FAF1: variants seen among roughly 807,000 people sequenced by gnomAD.
FAF1 encodes the protein Fas associated factor 1, also known as FAS-associated factor 1.
Under a neutral mutation model 92.5 loss-of-function variants are expected in FAF1, and 25 were observed. That is an observed-to-expected ratio of 0.27 (90% CI 0.20 to 0.38). The LOEUF is 0.38. Ranked by LOEUF, FAF1 falls within the 10% of genes least tolerant of loss-of-function variation. FAF1 has a pLI of 1.00. For synonymous variants in FAF1, 234 were observed against 273.2 expected, an observed-to-expected ratio of 0.86 and a Z score of 1.42; for missense variants, 636 against 793.3, an observed-to-expected ratio of 0.80 and a Z score of 2.38.
chr1:50,804,705 AGTAAGTTTTTGTTTGCT>A (rs1408034576), intron 2 of FAF1, among the ~76,000 whole-genome samples: 1 of 152,220 alleles, frequency 6.6e-6, no homozygotes, highest in African/African-American at 2.4e-5. Context: ...GAACAGCTGC[AGTAAGTTTTTGTTTGCT>A]TTTTTTCCCT....
intron 7 of FAF1, among the ~76,000 whole-genome samples, chr1:50,675,237 A>G (rs1431807638): frequency 6.6e-6 from 1 of 152,230 alleles, no homozygotes; most frequent in Non-Finnish European, 1.5e-5. Flanking sequence ...CTCTGTGTGC[A>G]TATATTAATG....
At chr1:50,650,102 T>C (rs1314162165) in intron 8 of FAF1, among the ~76,000 whole-genome samples, 2 of 147,198 alleles carry the variant, frequency 1.4e-5, no homozygotes, top group Admixed American at 6.8e-5. Context: ...CTGACTAACA[T>C]GGAGAAACCC....
chr1:50,612,216 T>C (rs1196253444), intron 8 of FAF1: 3 of 229,588 alleles, frequency 1.3e-5, no homozygotes, highest in East Asian at 1.6e-4. Flanking sequence ...ACATGATATA[T>C]TGATTATAAC....
intron 4 of FAF1, among the ~76,000 whole-genome samples, chr1:50,786,231 T>TA (rs569004289): frequency 3.9e-4 from 59 of 152,030 alleles, no homozygotes; most frequent in African/African-American, 1.3e-3. Flanking sequence ...TGTTAATGAC[T>TA]AAAAAAAATG....
intron 4 of FAF1, among the ~76,000 whole-genome samples, chr1:50,765,557 T>C (rs1203026350): frequency 1.3e-5 from 2 of 152,232 alleles, no homozygotes; most frequent in African/African-American, 4.8e-5. Context: ...TTGGATACTG[T>C]AGCTCTACTA....
chr1:50,667,916 C>T (rs1311678532), intron 7 of FAF1, among the ~76,000 whole-genome samples: 2 of 152,190 alleles, frequency 1.3e-5, no homozygotes, highest in Admixed American at 1.3e-4. Flanking sequence ...GGTAGCACCA[C>T]GCTGATGCTC....
chr1:50,606,960 GA>G (rs968339751), intron 8 of FAF1: 4 of 152,100 alleles, frequency 2.6e-5, no homozygotes. Context: ...AAAATTGAGA[GA>G]AAGAACAACA....
At chr1:50,781,972 C>A (rs556747244) in intron 4 of FAF1, among the ~76,000 whole-genome samples, 6 of 152,180 alleles carry the variant, frequency 3.9e-5, no homozygotes, top group Admixed American at 3.9e-4. Context: ...GACATCTTAG[C>A]CACTGTAACA....
At chr1:50,503,494 G>T (rs1190312952) in intron 15 of FAF1, among the ~76,000 whole-genome samples, 1 of 151,852 alleles carries the variant, frequency 6.6e-6, no homozygotes, top group Non-Finnish European at 1.5e-5. Context: ...AGTAGTGTGT[G>T]TCTGTAGTCC....
At position 50,883,624 on chromosome 1, in the gene FAF1, C is replaced by CCTTCCACAAAGAGTTAGGAGACCT. The variant is rs552075766; in HGVS notation, c.46-25651_46-25628dup. Among the ~76,000 whole-genome samples, 24 of 152,266 alleles carry CCTTCCACAAAGAGTTAGGAGACCT rather than the reference C, an allele frequency of 1.6e-4. No individual in the cohort carries two copies. The South Asian group carries it at 4.4e-3, about 28-fold the overall frequency. ...ACAAGTTAATGTTATTCCCTCCCCT[C>CCTTCCACAAAGAGTTAGGAGACCT]CTTCCACAAAGAGTTAGGAGACCTC... On this transcript the variant is annotated intron_variant, in intron 1 of 18. Coordinates refer to ENST00000396153, the MANE Select transcript of FAF1 (RefSeq NM_007051.3).
chr1:50,550,351 TAAAAA>T (rs11297579), intron 13 of FAF1, among the ~76,000 whole-genome samples: 4 of 108,362 alleles, frequency 3.7e-5, no homozygotes, highest in Admixed American at 2.2e-4. Flanking sequence ...ACTCCGTCTT[TAAAAA>T]AAAAAAAAAA....
Position 50,594,144 on chromosome 1 carries a change from C to G in FAF1, c.840+1977G>C, listed in dbSNP as rs548508152. ...CCTGGCCAACATAGTGAAACCCCGT[C>G]TCTATTAAAAACACAAAAAATTGAG... On this transcript the variant is annotated intron_variant, in intron 9 of 18. Transcript: ENST00000396153. Among the ~76,000 whole-genome samples, 3 of 151,954 alleles carry G rather than the reference C, an allele frequency of 2.0e-5. No individual in the cohort carries two copies. The South Asian group carries it at 6.2e-4, about 32-fold the overall frequency.
intron 7 of FAF1, among the ~76,000 whole-genome samples, chr1:50,677,495 T>C (rs946076306): frequency 7.2e-5 from 11 of 152,348 alleles, no homozygotes; most frequent in Admixed American, 6.5e-4. Flanking sequence ...TGTATTTCTT[T>C]AGTAATTAAA....
intron 13 of FAF1, among the ~76,000 whole-genome samples, chr1:50,543,114 C>G (rs1476307120): frequency 1.3e-5 from 2 of 152,118 alleles, no homozygotes; most frequent in African/African-American, 4.8e-5. Context: ...ATATTTCTAT[C>G]TTGTTAACGG....
At chr1:50,640,358 T>C (rs1256982192) in intron 8 of FAF1, among the ~76,000 whole-genome samples, 2 of 151,446 alleles carry the variant, frequency 1.3e-5, no homozygotes, top group African/African-American at 4.9e-5. Flanking sequence ...AGTGGTGCGA[T>C]CTCGGCTCAC....
chr1:50,816,064 C>G (rs528176909), intron 2 of FAF1, among the ~76,000 whole-genome samples: 1 of 151,252 alleles, frequency 6.6e-6, no homozygotes, highest in Non-Finnish European at 1.5e-5. Flanking sequence ...GCCATTCTTC[C>G]TGGTGTGAGA....
At chr1:50,866,405 T>C (rs1644482145) in intron 1 of FAF1, among the ~76,000 whole-genome samples, 1 of 152,054 alleles carries the variant, frequency 6.6e-6, no homozygotes, top group African/African-American at 2.4e-5. Flanking sequence ...AAACTGTTGA[T>C]GTTTGCCGAT....
At chr1:50,662,045 C>T (rs528636186) in intron 7 of FAF1, among the ~76,000 whole-genome samples, 1 of 151,716 alleles carries the variant, frequency 6.6e-6, no homozygotes, top group Admixed American at 6.6e-5. Flanking sequence ...TTTTTTTCTT[C>T]CCCCTTCCCC....
intron 1 of FAF1, among the ~76,000 whole-genome samples, chr1:50,889,106 TC>T (rs1644696491): frequency 6.6e-6 from 1 of 152,250 alleles, no homozygotes; most frequent in South Asian, 2.1e-4. Context: ...GGTGTATGTA[TC>T]GAGGAATTTA....
Sources: gnomAD v4.1 joint callset for allele counts (sites outside exome capture counted in the v4.1 genomes callset) on GRCh38, gnomAD v4.1.1 for gene constraint, MANE v1.5 for transcripts, NCBI Gene and HGNC (gene_info 2026-07-23, HGNC 2026-07-21) for gene names.